Variants in RNF128 observed in about 807,000 individuals in gnomAD.
RNF128 encodes the protein E3 ubiquitin-protein ligase RNF128.
In RNF128, 13 loss-of-function variants were observed where a neutral mutation model predicts 26.2. The ratio of observed to expected loss-of-function variants is 0.50; its 90% CI spans 0.32 to 0.79. The LOEUF (loss-of-function observed/expected upper bound fraction) is 0.79, where lower values mean the gene tolerates loss of function less well. RNF128 is among the 30% of genes least tolerant of loss of function. The pLI is 0.03. For synonymous variants in RNF128, 149 were observed against 142.5 expected, an observed-to-expected ratio of 1.05 and a Z score of -0.32; for missense variants, 315 against 349.7, an observed-to-expected ratio of 0.90 and a Z score of 0.79.
intron 1 of RNF128, among the ~76,000 whole-genome samples, chrX:106,755,500 C>A (rs1364199828): frequency 9.0e-6 from 1 of 110,601 alleles, no homozygotes; most frequent in Non-Finnish European, 1.9e-5. Flanking sequence ...TGATGAACAT[C>A]AATGCAAAAC....
intron 1 of RNF128, among the ~76,000 whole-genome samples, chrX:106,752,070 C>T (rs1177427569): frequency 2.7e-5 from 3 of 110,259 alleles, no homozygotes; most frequent in Non-Finnish European, 3.8e-5. Context: ...CCTAAAGTTC[C>T]TGACTCCAGA....
chrX:106,785,069 A>G lies in RNF128; in HGVS notation c.737A>G (p.Gln246Arg). 1 of 1,173,372 alleles carries G rather than the reference A, an allele frequency of 8.5e-7. No individual in the cohort carries two copies. Among genetic ancestry groups the G allele is most frequent in the Non-Finnish European group, 1.1e-6 (1 of 879,651 alleles). The change falls in exon 3 of 7, where the codon CAA (glutamine) becomes CGA (arginine). Residue 246 changes from glutamine (Q) to arginine (R), a missense_variant. Coordinates refer to ENST00000255499, the MANE Select transcript of RNF128 (RefSeq NM_194463.2). The part of the protein sequence containing the change: ...NARAQSRKQR[Q>R]LKADAKKAIG... ...CTGCTGTTTTTTTTTTTACAGAGGCAATTAAAGGCAGATGCTAAAAAAGCT... is the reference window on the plus strand; with the variant it reads ...CTGCTGTTTTTTTTTTTACAGAGGCGATTAAAGGCAGATGCTAAAAAAGCT...
chrX:106,746,321 T>C (rs1331585458), intron 1 of RNF128, among the ~76,000 whole-genome samples: 1 of 111,275 alleles, frequency 9.0e-6, no homozygotes, highest in African/African-American at 3.3e-5. Flanking sequence ...GCTGTAAGTA[T>C]GTTATCACTA....
chrX:106,703,779 C>T (rs1426134487), intron 1 of RNF128, among the ~76,000 whole-genome samples: 1 of 110,350 alleles, frequency 9.1e-6, no homozygotes, highest in African/African-American at 3.3e-5. Flanking sequence ...AAGACCAGTA[C>T]CGGGAATATG....
intron 2 of RNF128, among the ~76,000 whole-genome samples, chrX:106,780,428 A>T (rs1434809509): frequency 8.9e-6 from 1 of 112,058 alleles, no homozygotes; most frequent in Non-Finnish European, 1.9e-5. Context: ...GCTTTTGATT[A>T]GTCAGAATAG....
At chrX:106,762,651 A>G (rs906586394) in intron 1 of RNF128, among the ~76,000 whole-genome samples, 3 of 110,959 alleles carry the variant, frequency 2.7e-5, no homozygotes, top group African/African-American at 3.3e-5. Flanking sequence ...GCTCAAGGAC[A>G]CATGTGTTGG....
chrX:106,739,829 A>G (rs1026180295), intron 1 of RNF128, among the ~76,000 whole-genome samples: 1 of 111,351 alleles, frequency 9.0e-6, no homozygotes, highest in African/African-American at 3.3e-5. Flanking sequence ...TTTGGTACCT[A>G]TATGATACCA....
intron 1 of RNF128, among the ~76,000 whole-genome samples, chrX:106,769,743 A>G (rs1182347587): frequency 9.1e-6 from 1 of 109,739 alleles, no homozygotes; most frequent in East Asian, 2.8e-4. Flanking sequence ...CATTTAGCCC[A>G]TTTACATTTA....
exon 1 of RNF128, chrX:106,693,985 T>C: frequency 1.7e-6 from 2 of 1,165,820 alleles, no homozygotes; most frequent in South Asian, 4.0e-5. Context: ...TTAAATTTTA[T>C]ACTCAAATGA....
intron 1 of RNF128, among the ~76,000 whole-genome samples, chrX:106,739,239 A>G (rs1478035888): frequency 9.1e-6 from 1 of 109,419 alleles, no homozygotes; most frequent in African/African-American, 3.3e-5. Context: ...GGCTCACTTC[A>G]ACCTCTACAT....
chrX:106,759,766 G>A (rs1930088124), intron 1 of RNF128, among the ~76,000 whole-genome samples: 1 of 111,767 alleles, frequency 8.9e-6, no homozygotes, highest in East Asian at 2.8e-4. Context: ...TCAGAAGGAT[G>A]GTTACCAGAG....
intron 1 of RNF128, among the ~76,000 whole-genome samples, chrX:106,715,709 T>A (rs12010347): frequency 0.045 from 5,048 of 111,842 alleles, 289 homozygotes; most frequent in African/African-American, 0.16. Context: ...CTAGCAAGTA[T>A]CTGTAGTGCA....
At chrX:106,727,421 C>T (rs1406617757) in intron 1 of RNF128, 24 bp downstream of exon 1, 1 of 1,204,511 alleles carries the variant, frequency 8.3e-7, no homozygotes, top group Admixed American at 2.2e-5. Context: ...CTAGATTGCA[C>T]CCCTCCAGAC....
chrX:106,733,778 G>A (rs1929541207), intron 1 of RNF128, among the ~76,000 whole-genome samples: 1 of 110,785 alleles, frequency 9.0e-6, no homozygotes, highest in Non-Finnish European at 1.9e-5. Context: ...TCAGCTCACT[G>A]AAACCTCCTC....
At chrX:106,708,818 A>G (rs999753273) in intron 1 of RNF128, among the ~76,000 whole-genome samples, 2 of 112,229 alleles carry the variant, frequency 1.8e-5, no homozygotes, top group East Asian at 5.5e-4. Flanking sequence ...GGAAGGATAT[A>G]TTTAAAAATA....
chrX:106,770,684 G>A (rs749483591), intron 1 of RNF128, among the ~76,000 whole-genome samples: 1 of 111,460 alleles, frequency 9.0e-6, no homozygotes, highest in South Asian at 3.8e-4. Context: ...TCTTTGCGAT[G>A]GGTTCGAACA....
At chrX:106,758,752 C>T (rs1043761293) in intron 1 of RNF128, among the ~76,000 whole-genome samples, 3 of 111,518 alleles carry the variant, frequency 2.7e-5, no homozygotes, top group African/African-American at 9.8e-5. Context: ...AAACTAGACC[C>T]GTATCTCCTG....
At chrX:106,726,575 C>A (rs931406872), upstream of RNF128, 6 of 734,138 alleles carry the variant, frequency 8.2e-6, no homozygotes, top group African/African-American at 1.4e-4. Context: ...ATTCTAACAT[C>A]GATCCATCCT....
At chrX:106,739,566 T>G (rs1929661856) in intron 1 of RNF128, among the ~76,000 whole-genome samples, 1 of 112,089 alleles carries the variant, frequency 8.9e-6, no homozygotes, top group Non-Finnish European at 1.9e-5. Flanking sequence ...CAAATATTCT[T>G]TTTTTGTACT....
Sources: gnomAD v4.1 joint callset for allele counts (sites outside exome capture counted in the v4.1 genomes callset) on GRCh38, gnomAD v4.1.1 for gene constraint, MANE v1.5 for transcripts, NCBI Gene and HGNC (gene_info 2026-07-23, HGNC 2026-07-21) for gene names.